DIS3L2: variants seen among roughly 807,000 people sequenced by gnomAD.
DIS3L2 encodes DIS3-like exonuclease 2.
A neutral mutation model predicts 97.5 loss-of-function variants in DIS3L2; 34 were observed. The observed-to-expected ratio is 0.35, with a 90% CI of 0.27 to 0.46. The LOEUF (loss-of-function observed/expected upper bound fraction) is 0.46. DIS3L2 is among the 20% of genes least tolerant of loss of function. DIS3L2 has a pLI of 1.00. For synonymous variants in DIS3L2, 435 were observed against 445.2 expected, an observed-to-expected ratio of 0.98 and a Z score of 0.29; for missense variants, 1,038 against 1,146.0, an observed-to-expected ratio of 0.91 and a Z score of 1.36.
At position 232,094,733 on chromosome 2, in the gene DIS3L2, AAAG is replaced by A. The variant is rs1418831219; in HGVS notation, c.601+7015_601+7017del. 7.5e-3 allele frequency among the ~76,000 whole-genome samples: 1,121 copies of A among 150,180 alleles called. 11 individuals carry two copies. The highest frequency in any genetic ancestry group is 0.025 in the African/African-American group (1,027 of 40,720). On this transcript the variant is annotated intron_variant, in intron 6 of 20. Coordinates refer to ENST00000325385, the MANE Select transcript of DIS3L2 (RefSeq NM_152383.5). The stretch of plus-strand genomic sequence containing the variant: ...GACTCCATCTCAAAAAAAAAAAAAA[AAAG>A]AAAGAAAAGAAAGAAAGCTCCAGCT...
In DIS3L2 at chr2:232,190,862, C is replaced by T. The variant is rs186499179; in HGVS notation, c.1125-19464C>T. 3.3e-5 allele frequency among the ~76,000 whole-genome samples: 5 copies of T among 152,174 alleles called. No individual in the cohort carries two copies. The East Asian group carries it at 7.7e-4, about 24-fold the overall frequency. ...TCTTAGGAAAAGGTGGTGTTGGGGG[C>T]ACAGAAAGGCAGATATTAGAAGAGT... On this transcript the variant is annotated intron_variant, in intron 9 of 20. Coordinates refer to ENST00000325385, the MANE Select transcript of DIS3L2 (RefSeq NM_152383.5).
chr2:232,206,283 C>G (rs193076133), intron 9 of DIS3L2, among the ~76,000 whole-genome samples: 10 of 152,244 alleles, frequency 6.6e-5, no homozygotes, highest in Middle Eastern at 3.4e-3. Context: ...ATCATAAGAT[C>G]TTTTTTAAAA....
intron 9 of DIS3L2, among the ~76,000 whole-genome samples, chr2:232,172,238 A>G (rs961098603): frequency 6.6e-6 from 1 of 152,168 alleles, no homozygotes; most frequent in Non-Finnish European, 1.5e-5. Context: ...CATCACCACT[A>G]TCTAATTCCA....
At chr2:232,156,315 A>G (rs1365512411) in intron 8 of DIS3L2, among the ~76,000 whole-genome samples, 2 of 152,024 alleles carry the variant, frequency 1.3e-5, no homozygotes, top group African/African-American at 4.8e-5. Context: ...GTTTCCTTTC[A>G]TGACTTACTT....
chr2:232,135,568 G>A (rs1326853540), intron 7 of DIS3L2, among the ~76,000 whole-genome samples: 1 of 152,162 alleles, frequency 6.6e-6, no homozygotes, highest in African/African-American at 2.4e-5. Flanking sequence ...GAAGAAAGTA[G>A]AGCATGTTTT....
chr2:231,989,111 G>A lies in DIS3L2; in HGVS notation c.-93-25724G>A, dbSNP rs538886490. 1.4e-4 allele frequency among the ~76,000 whole-genome samples: 21 copies of A among 152,252 alleles called. 1 individual carries two copies. Among genetic ancestry groups the A allele is most frequent in the East Asian group, 3.9e-4 (2 of 5,180 alleles). ...GCTCGGATTACCGTTGAAATTATGC[G>A]TGTAGATAGTGGGTGAGTTCTTTCT... On this transcript the variant is annotated intron_variant, in intron 1 of 20. Transcript: ENST00000325385.
intron 5 of DIS3L2, among the ~76,000 whole-genome samples, chr2:232,072,441 A>G (rs930985769): frequency 2.6e-5 from 4 of 152,150 alleles, no homozygotes; most frequent in Non-Finnish European, 5.9e-5. Context: ...TGCTCAAGGA[A>G]TAGCAAAGGG....
intron 10 of DIS3L2, among the ~76,000 whole-genome samples, chr2:232,211,709 C>T (rs749797233): frequency 1.3e-5 from 2 of 152,106 alleles, no homozygotes; most frequent in African/African-American, 4.8e-5. Context: ...CACAGAACGC[C>T]GTAGGTTCAG....
At chr2:232,251,916 C>T (rs963207273) in intron 12 of DIS3L2, among the ~76,000 whole-genome samples, 1 of 152,084 alleles carries the variant, frequency 6.6e-6, no homozygotes, top group Non-Finnish European at 1.5e-5. Context: ...CAGAAAGCCA[C>T]CAGAAGATGT....
intron 1 of DIS3L2, among the ~76,000 whole-genome samples, chr2:231,962,973 A>T (rs1692611524): frequency 6.8e-6 from 1 of 146,252 alleles, no homozygotes; most frequent in African/African-American, 2.7e-5. Flanking sequence ...TTTTTTTTCC[A>T]GTCCACCATT....
chr2:232,330,892 G>C (rs1162748630), intron 16 of DIS3L2, 116 bp downstream of exon 16: 1 of 1,061,266 alleles, frequency 9.4e-7, no homozygotes, highest in Non-Finnish European at 1.4e-6. Context: ...GGACATGGCT[G>C]GGTGGACGGG....
intron 13 of DIS3L2, among the ~76,000 whole-genome samples, chr2:232,294,623 G>C (rs1429436548): frequency 2.0e-5 from 3 of 152,132 alleles, no homozygotes; most frequent in Admixed American, 2.0e-4. Flanking sequence ...CACACAGCCT[G>C]CTCTCTGACC....
Position 232,333,936 on chromosome 2 carries a change from A to C in DIS3L2, c.2107A>C (p.Ile703Leu), listed in dbSNP as rs1354810483. ...VPLYTHFTSPIRRFADVLVHR... is the reference protein window; with the variant it reads ...VPLYTHFTSPLRRFADVLVHR... Reference sequence around the variant, plus strand: ...CCTGTACACACACTTCACCTCGCCCATCCGCCGCTTTGCCGACGTCCTGGT... The same window carrying C: ...CCTGTACACACACTTCACCTCGCCCCTCCGCCGCTTTGCCGACGTCCTGGT... The change falls in exon 17 of 21, where the codon ATC becomes CTC. Residue 703 changes from isoleucine (I) to leucine (L), a missense_variant. By Grantham distance (5) the Ile-to-Leu change is conservative (BLOSUM62 2). Transcript: ENST00000325385. The C allele has an allele frequency of 1.9e-6, 3 of 1,612,688 alleles. No individual in the cohort carries two copies. The highest frequency in any genetic ancestry group is 2.5e-6 in the Non-Finnish European group (3 of 1,179,902).
At chr2:232,169,445 T>G (rs1690920565) in intron 9 of DIS3L2, among the ~76,000 whole-genome samples, 1 of 152,114 alleles carries the variant, frequency 6.6e-6, no homozygotes, top group African/African-American at 2.4e-5. Flanking sequence ...AGATTCGTAC[T>G]CAGATAAATT....
At chr2:232,124,180 C>T (rs559327068) in intron 6 of DIS3L2, among the ~76,000 whole-genome samples, 2 of 152,136 alleles carry the variant, frequency 1.3e-5, no homozygotes, top group Non-Finnish European at 1.5e-5. Context: ...TGAAATCAGA[C>T]TTCAAAGACA....
At chr2:232,155,818 G>A (rs1318127146) in intron 8 of DIS3L2, among the ~76,000 whole-genome samples, 7 of 151,934 alleles carry the variant, frequency 4.6e-5, no homozygotes, top group Middle Eastern at 3.4e-3. Context: ...GTGAAACCCC[G>A]TCTCTACTAA....
chr2:231,982,048 AAAG>A (rs1693278964), intron 1 of DIS3L2, among the ~76,000 whole-genome samples: 2 of 151,440 alleles, frequency 1.3e-5, no homozygotes, highest in African/African-American at 2.4e-5. Flanking sequence ...GAAAAAAAAA[AAAG>A]AAATACTAGT....
At chr2:231,998,721 T>G (rs990008807) in intron 1 of DIS3L2, among the ~76,000 whole-genome samples, 3 of 152,222 alleles carry the variant, frequency 2.0e-5, no homozygotes, top group Admixed American at 6.5e-5. Context: ...GAATACACAT[T>G]AATTAGTATG....
At chr2:232,050,110 T>TG (rs757421513) in intron 5 of DIS3L2, among the ~76,000 whole-genome samples, 170 of 152,342 alleles carry the variant, frequency 1.1e-3, no homozygotes, top group Non-Finnish European at 2.9e-4. Context: ...GGTTGTTTGC[T>TG]TAGTTTTCAT....
Sources: allele counts gnomAD v4.1 joint callset (sites outside exome capture counted in the v4.1 genomes callset), GRCh38; gene constraint gnomAD v4.1.1; transcripts MANE v1.5; gene names NCBI Gene and HGNC (gene_info 2026-07-23, HGNC 2026-07-21).